Variants in TUT4 observed in about 807,000 individuals in gnomAD.
The protein encoded by TUT4 is terminal uridylyltransferase 4.
TUT4 carries 36 observed loss-of-function variants against 192.2 expected under a neutral mutation model. The observed-to-expected ratio is 0.19, with a 90% confidence interval of 0.14 to 0.25. The LOEUF (loss-of-function observed/expected upper bound fraction) is 0.25. Ranked by LOEUF, TUT4 falls within the 10% of genes least tolerant of loss-of-function variation. The pLI, the probability that TUT4 is intolerant of heterozygous loss-of-function variation, is 1.00. For synonymous variants in TUT4, 618 were observed against 666.0 expected, an observed-to-expected ratio of 0.93 and a Z score of 1.11; for missense variants, 1,493 against 1,957.2, an observed-to-expected ratio of 0.76 and a Z score of 4.47.
At chr1:52,431,863 G>C (rs1180263096) in intron 27 of TUT4, 4 of 157,830 alleles carry the variant, frequency 2.5e-5, no homozygotes, top group African/African-American at 9.6e-5. Flanking sequence ...ACGTTTAAGG[G>C]GGATAAGGAA....
intron 19 of TUT4, among the ~76,000 whole-genome samples, chr1:52,459,015 T>C (rs1160175430): frequency 1.3e-5 from 2 of 151,878 alleles, no homozygotes; most frequent in African/African-American, 2.4e-5. Context: ...ATGCAACCAT[T>C]AAAAAAAGAA....
intron 3 of TUT4, among the ~76,000 whole-genome samples, chr1:52,510,912 C>A (rs1004053583): frequency 2.0e-5 from 3 of 152,170 alleles, no homozygotes; most frequent in Admixed American, 6.5e-5. Flanking sequence ...TAAAAAATTA[C>A]AAACACACAA....
At chr1:52,537,827 C>G (rs1205404955) in intron 1 of TUT4, among the ~76,000 whole-genome samples, 1 of 152,012 alleles carries the variant, frequency 6.6e-6, no homozygotes, top group Non-Finnish European at 1.5e-5. Flanking sequence ...GCAGGAAGAT[C>G]GCTTGAACCG....
chr1:52,545,966 C>CAAAAA lies in TUT4; in HGVS notation c.-94+6960_-94+6964dup, dbSNP rs71041901. Among the ~76,000 whole-genome samples the CAAAAA allele has an allele frequency of 2.5e-3, 182 of 72,360 alleles. 2 individuals carry two copies. The highest frequency in any genetic ancestry group is 6.6e-3 in the African/African-American group (160 of 24,192). 47.5% of individuals were successfully genotyped at this position (72,360 alleles called of 152,430 possible). A position where few individuals can be genotyped will look rare whatever the true frequency, so the allele number is the denominator to read the frequency against. On this transcript the variant is annotated intron_variant, in intron 1 of 29. Transcript: ENST00000257177. ...GTGAAACTGCATCTCTACAAAAATACAAAAAAAAAAAAAAAAAAAAAAATT... is the reference window on the plus strand; with the variant it reads ...GTGAAACTGCATCTCTACAAAAATACAAAAAAAAAAAAAAAAAAAAAAAAAAAATT...
chr1:52,450,149 C>T (rs2148517780), intron 20 of TUT4, among the ~76,000 whole-genome samples: 2 of 152,276 alleles, frequency 1.3e-5, no homozygotes, highest in Middle Eastern at 3.4e-3. Context: ...ATGCTCTTAG[C>T]TGTGCCTTAG....
chr1:52,528,133 C>T (rs377061761), intron 1 of TUT4, among the ~76,000 whole-genome samples: 2 of 150,690 alleles, frequency 1.3e-5, no homozygotes, highest in African/African-American at 2.4e-5. Context: ...GAACTGAGAT[C>T]GCGCCACAGC....
chr1:52,488,366 C>T (rs1242674066), intron 9 of TUT4, among the ~76,000 whole-genome samples: 3 of 152,180 alleles, frequency 2.0e-5, no homozygotes, highest in Non-Finnish European at 2.9e-5. Flanking sequence ...CTACTACTCC[C>T]TATCCCCACA....
At chr1:52,485,246 C>T (rs1302450787) in intron 9 of TUT4, among the ~76,000 whole-genome samples, 1 of 152,110 alleles carries the variant, frequency 6.6e-6, no homozygotes, top group Non-Finnish European at 1.5e-5. Flanking sequence ...TAAAGGTACA[C>T]ATTTTTCCCC....
At chr1:52,470,239 A>G (rs974391290) in intron 14 of TUT4, among the ~76,000 whole-genome samples, 6 of 152,222 alleles carry the variant, frequency 3.9e-5, no homozygotes, top group African/African-American at 1.2e-4. Context: ...CCAGGTAGTC[A>G]AGTAAAAGAG....
intron 20 of TUT4, among the ~76,000 whole-genome samples, chr1:52,450,633 G>A (rs1303475676): frequency 1.3e-5 from 2 of 152,138 alleles, no homozygotes; most frequent in African/African-American, 4.8e-5. Context: ...AGCATTAAAT[G>A]TTTCTGTTCC....
At chr1:52,472,246 G>A (rs988332891) in intron 13 of TUT4, 144 bp from the exon 14 acceptor site, 5 of 868,574 alleles carry the variant, frequency 5.8e-6, no homozygotes, top group Admixed American at 3.4e-5. Context: ...AAAACATGTT[G>A]TTAAAATGCA....
intron 1 of TUT4, among the ~76,000 whole-genome samples, chr1:52,549,659 C>T (rs1482126324): frequency 2.6e-5 from 4 of 152,182 alleles, no homozygotes; most frequent in African/African-American, 9.7e-5. Context: ...TGAAAAGCAA[C>T]ATCACATATA....
intron 9 of TUT4, 114 bp from the exon 10 acceptor site, chr1:52,482,037 AAT>A: frequency 1.3e-6 from 1 of 795,082 alleles, no homozygotes; most frequent in Non-Finnish European, 1.8e-6. Context: ...GACAATGAAA[AAT>A]ATAAGGAATA....
intron 24 of TUT4, among the ~76,000 whole-genome samples, chr1:52,441,444 A>ATTTTTTTTTTT (rs557710242): frequency 2.7e-3 from 318 of 119,948 alleles, no homozygotes; most frequent in African/African-American, 3.6e-3. Context: ...TCTCGGCTAA[A>ATTTTTTTTTTT]TTTTTTTTTT....
chr1:52,431,561 T>G, intron 27 of TUT4, 101 bp from the exon 28 acceptor site: 1 of 960,884 alleles, frequency 1.0e-6, no homozygotes, highest in South Asian at 2.5e-5. Flanking sequence ...AAAACAGAAC[T>G]CTATGATGTA....
chr1:52,489,609 A>C (rs1222260333), intron 8 of TUT4, among the ~76,000 whole-genome samples: 1 of 152,220 alleles, frequency 6.6e-6, no homozygotes, highest in Non-Finnish European at 1.5e-5. Context: ...AGCAACCTTA[A>C]ATGGGATGAC....
At chr1:52,488,644 G>C (rs934459742) in intron 9 of TUT4, among the ~76,000 whole-genome samples, 1 of 152,132 alleles carries the variant, frequency 6.6e-6, no homozygotes, top group African/African-American at 2.4e-5. Flanking sequence ...ATATGAAAGA[G>C]AACATTTCTA....
chr1:52,465,136 A>G lies in TUT4; in HGVS notation c.3003T>C (p.Asn1001=). Residue 1001 remains asparagine, a synonymous_variant, in exon 16 of 30, where the codon AAT becomes AAC. Transcript: ENST00000257177. ...GATCACTATCACGAAATCCAAATCC[A>G]TTCTTAGAAGAGCCAAATAAGCACA... ...ARLCLFGSSK[N]GFGFRDSDLD... is the part of the protein sequence containing the mutation. 6.2e-7 allele frequency: 1 copy of G among 1,613,856 alleles called. No individual in the cohort carries two copies. The highest frequency in any genetic ancestry group is 8.5e-7 in the Non-Finnish European group (1 of 1,179,900).
chr1:52,530,564 A>C (rs145868720), intron 1 of TUT4, among the ~76,000 whole-genome samples: 39 of 152,358 alleles, frequency 2.6e-4, no homozygotes, highest in African/African-American at 7.5e-4. Flanking sequence ...TTCTTGTAAG[A>C]GTAGCCAATG....
Sources: gnomAD v4.1 joint callset for allele counts (sites outside exome capture counted in the v4.1 genomes callset) on GRCh38, gnomAD v4.1.1 for gene constraint, MANE v1.5 for transcripts, NCBI Gene and HGNC (gene_info 2026-07-23, HGNC 2026-07-21) for gene names.